FHIP2A: variants seen among roughly 807,000 people sequenced by gnomAD.
FHIP2A encodes the protein FHF complex subunit HOOK interacting protein 2A.
Under a neutral mutation model 93.5 loss-of-function variants are expected in FHIP2A, and 46 were observed. The ratio of observed to expected loss-of-function variants is 0.49; its 90% CI spans 0.39 to 0.63. The LOEUF is 0.63. Ranked by LOEUF, FHIP2A falls within the 20% of genes least tolerant of loss-of-function variation. The probability of loss-of-function intolerance (pLI) is 0.00; values close to 1 mark genes in which losing one functional copy is unlikely to be tolerated. For synonymous variants in FHIP2A, 332 were observed against 326.5 expected, an observed-to-expected ratio of 1.02 and a Z score of -0.18; for missense variants, 769 against 909.7, an observed-to-expected ratio of 0.85 and a Z score of 1.99.
intron 14 of FHIP2A, 58 bp downstream of exon 14, chr10:114,855,398 AT>A: frequency 7.1e-7 from 1 of 1,411,824 alleles, no homozygotes; most frequent in Non-Finnish European, 9.8e-7. Flanking sequence ...CCACAGAATC[AT>A]CTCAAGTCTT....
intron 13 of FHIP2A, among the ~76,000 whole-genome samples, chr10:114,852,143 TGCTGCTGCTGCTTTTA>T (rs1327939688): frequency 6.8e-6 from 1 of 147,208 alleles, no homozygotes; most frequent in East Asian, 2.0e-4. Flanking sequence ...CATCATTCTT[TGCTGCTGCTGCTTTTA>T]GGTGTCAGGT....
At chr10:114,825,226 A>G (rs1241986384) in intron 1 of FHIP2A, among the ~76,000 whole-genome samples, 3 of 152,156 alleles carry the variant, frequency 2.0e-5, no homozygotes, top group South Asian at 4.1e-4. Context: ...CAATGTAGAC[A>G]CTGTGCCCAG....
chr10:114,892,563 G>A (rs1016385948), intron 16 of FHIP2A, among the ~76,000 whole-genome samples: 5 of 152,064 alleles, frequency 3.3e-5, no homozygotes, highest in East Asian at 1.9e-4. Flanking sequence ...GCCTGAACCC[G>A]GGAGGAGGAG....
chr10:114,897,704 G>A (rs899494268), intron 16 of FHIP2A, among the ~76,000 whole-genome samples: 3 of 152,242 alleles, frequency 2.0e-5, no homozygotes, highest in South Asian at 2.1e-4. Context: ...GAGCCCCTGA[G>A]TTTGAGACTA....
chr10:114,891,272 T>A (rs1167249289), intron 16 of FHIP2A, among the ~76,000 whole-genome samples: 2 of 150,564 alleles, frequency 1.3e-5, no homozygotes, highest in Non-Finnish European at 3.0e-5. Flanking sequence ...ATTAGAGTAT[T>A]TGATGTCTGA....
chr10:114,864,360 T>G lies in FHIP2A; in HGVS notation c.*2820T>G. On this transcript the variant is annotated 3_prime_UTR_variant, in exon 17 of 17. Transcript: ENST00000369248. ...TATATGGTAATTATATTTTGGGTTA[T>G]GTAGTAAATCAAATATGCATGTCAT... 2 of 985,698 alleles carry G rather than the reference T, an allele frequency of 2.0e-6. No individual in the cohort carries two copies. The highest frequency in any genetic ancestry group is 2.4e-6 in the Non-Finnish European group (2 of 829,760). The allele number at this position is 985,698 out of a possible 1,614,324, so 61.1% of individuals were successfully genotyped here. A position where few individuals can be genotyped will look rare whatever the true frequency, so the allele number is the denominator to read the frequency against.
chr10:114,879,754 C>T (rs996853254), intron 16 of FHIP2A, among the ~76,000 whole-genome samples: 4 of 152,040 alleles, frequency 2.6e-5, no homozygotes, highest in African/African-American at 9.7e-5. Flanking sequence ...GTGCAGTGAC[C>T]CCTGCTGATT....
intron 16 of FHIP2A, among the ~76,000 whole-genome samples, chr10:114,873,549 G>C (rs190280441): frequency 6.6e-6 from 1 of 152,300 alleles, no homozygotes; most frequent in Non-Finnish European, 1.5e-5. Context: ...TGAGGGTAGA[G>C]TATCTGCAAA....
At chr10:114,889,048 G>A (rs999792455) in intron 16 of FHIP2A, among the ~76,000 whole-genome samples, 1 of 151,950 alleles carries the variant, frequency 6.6e-6, no homozygotes, top group African/African-American at 2.4e-5. Context: ...GGGTTTCGGA[G>A]TAGCCAAGAT....
chr10:114,857,334 C>G (rs562512366), intron 14 of FHIP2A, among the ~76,000 whole-genome samples: 91 of 72,024 alleles, frequency 1.3e-3, no homozygotes, highest in Non-Finnish European at 3.0e-3. Context: ...TTTCTGAGAC[C>G]GAGTCTCGCT....
At chr10:114,839,534 C>T (rs1036123148) in intron 5 of FHIP2A, among the ~76,000 whole-genome samples, 1 of 152,132 alleles carries the variant, frequency 6.6e-6, no homozygotes, top group Non-Finnish European at 1.5e-5. Context: ...TTACTGTCAG[C>T]CAATATTTGC....
In FHIP2A at chr10:114,846,101, GT is replaced by G; in HGVS notation, c.1205+16del. The G allele has an allele frequency of 6.2e-7, 1 of 1,613,082 alleles. No homozygotes were observed. Among genetic ancestry groups the G allele is most frequent in the Non-Finnish European group, 8.5e-7 (1 of 1,179,512 alleles). On this transcript the variant is annotated intron_variant, in intron 9 of 16. Coordinates refer to ENST00000369248, the MANE Select transcript of FHIP2A (RefSeq NM_020940.4). ...CAATTAATGCAAACGTGAGTAGCCTGTTTTCTTTTGAAAAAAACCGCATCAC... is the reference window on the plus strand; with the variant it reads ...CAATTAATGCAAACGTGAGTAGCCTGTTTCTTTTGAAAAAAACCGCATCAC...
At chr10:114,844,085 A>G (rs1368633427) in intron 7 of FHIP2A, 148 bp downstream of exon 7, 1 of 552,518 alleles carries the variant, frequency 1.8e-6, no homozygotes, top group Non-Finnish European at 3.0e-6. Flanking sequence ...TGAAGCTTGT[A>G]TTAATCAGTG....
rs367920108 is a variant in FHIP2A at position 114,885,491 on chromosome 10, CA to C, written c.2193-13997del. Among the ~76,000 whole-genome samples, 15 of 151,992 alleles carry C rather than the reference CA, an allele frequency of 9.9e-5. No homozygotes were observed. The East Asian group carries it at 2.1e-3, about 22-fold the overall frequency. On this transcript the variant is annotated intron_variant, in intron 16 of 16. Coordinates refer to the FHIP2A transcript ENST00000369250. ...GGAATTGTTTTTGCTCTGCAGTACC[CA>C]AGAGGCTCTGGACACTTAGTCAATA...
In FHIP2A at chr10:114,830,915, T is replaced by G; in HGVS notation, c.109T>G (p.Tyr37Asp). 1 of 1,601,140 alleles carries G rather than the reference T, an allele frequency of 6.2e-7. No individual in the cohort carries two copies. The highest frequency in any genetic ancestry group is 8.5e-7 in the Non-Finnish European group (1 of 1,172,150). Residue 37 changes from tyrosine to aspartate, a missense_variant, in exon 2 of 17, where the codon TAC becomes GAC. Coordinates refer to ENST00000369248, the MANE Select transcript of FHIP2A (RefSeq NM_020940.4). ...TCACTGGAAGGCAATTACCCATTAC[T>G]ACATAGAGACTTCAGGTAAGGAACA... The part of the protein sequence containing the change: ...VYHWKAITHY[Y>D]IETSDDKAPV...
At chr10:114,834,643 G>T (rs898754636) in intron 3 of FHIP2A, among the ~76,000 whole-genome samples, 1 of 152,186 alleles carries the variant, frequency 6.6e-6, no homozygotes, top group Non-Finnish European at 1.5e-5. Context: ...TTAATCTGCA[G>T]TGTGAGTGAT....
downstream of FHIP2A, among the ~76,000 whole-genome samples, chr10:114,868,596 T>C (rs908801263): frequency 2.0e-5 from 3 of 152,062 alleles, no homozygotes; most frequent in Admixed American, 1.3e-4. Flanking sequence ...TAGGTAATAC[T>C]TTAGACTTCT....
Position 114,822,116 on chromosome 10 carries a change from TG to T in FHIP2A, c.40del (p.Glu14ArgfsTer25). ...TTCACCTCCATCCTGCAGCACGCCGTGGAGGCGGTAAGGCCGCGGGCTGCGG... is the reference window on the plus strand; with the variant it reads ...TTCACCTCCATCCTGCAGCACGCCGTGAGGCGGTAAGGCCGCGGGCTGCGG... ...SKFTSILQHA[V>X]EALAPSLPLQ... On this transcript the variant is annotated frameshift_variant, in exon 1 of 17. Coordinates refer to ENST00000369248, the MANE Select transcript of FHIP2A (RefSeq NM_020940.4). LOFTEE classifies it high-confidence loss of function. 7.5e-7 allele frequency: 1 copy of T among 1,338,016 alleles called. No individual in the cohort carries two copies. Among genetic ancestry groups the T allele is most frequent in the Non-Finnish European group, 9.8e-7 (1 of 1,022,660 alleles). 82.9% of individuals were successfully genotyped at this position (1,338,016 alleles called of 1,614,324 possible).
intron 5 of FHIP2A, among the ~76,000 whole-genome samples, chr10:114,840,408 A>T (rs1029378799): frequency 1.3e-5 from 2 of 152,208 alleles, no homozygotes; most frequent in African/African-American, 2.4e-5. Flanking sequence ...TGAAGAGTTT[A>T]TTCTTACTTG....
Sources: gnomAD v4.1 joint callset for allele counts (sites outside exome capture counted in the v4.1 genomes callset) on GRCh38, gnomAD v4.1.1 for gene constraint, MANE v1.5 for transcripts, NCBI Gene and HGNC (gene_info 2026-07-23, HGNC 2026-07-21) for gene names.